UGT2B7: variants seen among roughly 807,000 people sequenced by gnomAD.
The protein encoded by UGT2B7 is UDP glucuronosyltransferase family 2 member B7, also known as UDP-glucuronosyltransferase 2B7.
In UGT2B7, 51 loss-of-function variants were observed where a neutral mutation model predicts 51.9. The observed-to-expected ratio is 0.98, with a 90% CI of 0.78 to 1.24. The LOEUF (loss-of-function observed/expected upper bound fraction) is 1.24. UGT2B7 is among the 50% of genes most tolerant of loss of function. The pLI, the probability that UGT2B7 is intolerant of heterozygous loss-of-function variation, is 0.00. For synonymous variants in UGT2B7, 225 were observed against 211.6 expected (o/e 1.06, Z -0.55); for missense variants, 727 against 628.4 (o/e 1.16, Z -1.68).
intron 1 of UGT2B7, among the ~76,000 whole-genome samples, chr4:69,054,182 G>A (rs1354846730): frequency 6.6e-6 from 1 of 151,590 alleles, no homozygotes; most frequent in Non-Finnish European, 1.5e-5. Context: ...CCAGCCCTGA[G>A]GTTACCTGAC....
intron 1 of UGT2B7, among the ~76,000 whole-genome samples, chr4:69,061,766 C>T (rs906452015): frequency 6.6e-6 from 1 of 152,168 alleles, no homozygotes; most frequent in Non-Finnish European, 1.5e-5. Flanking sequence ...CCCAAAACAA[C>T]CCCTGAAAAG....
At chr4:69,105,080 G>C (rs1030202829) in intron 3 of UGT2B7, among the ~76,000 whole-genome samples, 6 of 152,138 alleles carry the variant, frequency 3.9e-5, no homozygotes, top group African/African-American at 1.2e-4. Context: ...GAAGATGAAA[G>C]GGTGGAGATG....
intron 2 of UGT2B7, among the ~76,000 whole-genome samples, chr4:69,101,448 C>T (rs1464794657): frequency 6.6e-6 from 1 of 151,830 alleles, no homozygotes; most frequent in Non-Finnish European, 1.5e-5. Flanking sequence ...AGTGATGAAT[C>T]TGTAAAGAGG....
chr4:69,072,164 A>G (rs1718616224), intron 1 of UGT2B7, among the ~76,000 whole-genome samples: 1 of 152,142 alleles, frequency 6.6e-6, no homozygotes, highest in African/African-American at 2.4e-5. Context: ...ATAAAATCAC[A>G]TAGTATATTA....
At chr4:69,105,319 CAATT>C (rs1279907181) in intron 3 of UGT2B7, among the ~76,000 whole-genome samples, 3 of 152,262 alleles carry the variant, frequency 2.0e-5, no homozygotes, top group East Asian at 3.9e-4. Flanking sequence ...GTGTATTTGT[CAATT>C]ACTTTTTAAT....
chr4:69,078,366 G>A (rs138261568), intron 1 of UGT2B7, among the ~76,000 whole-genome samples: 2 of 152,126 alleles, frequency 1.3e-5, no homozygotes, highest in Non-Finnish European at 2.9e-5. Flanking sequence ...AGTTTCAGAA[G>A]GAATGGTACC....
intron 1 of UGT2B7, among the ~76,000 whole-genome samples, chr4:69,069,484 C>G (rs1240918760): frequency 6.6e-6 from 1 of 151,834 alleles, no homozygotes. Context: ...AAATTCTAGC[C>G]CATAAAACAA....
At chr4:69,094,315 AT>A (rs1194365674), upstream of UGT2B7, among the ~76,000 whole-genome samples, 164 of 65,058 alleles carry the variant, frequency 2.5e-3, 25 homozygotes, top group Middle Eastern at 7.5e-3. Flanking sequence ...AATTTTTTGT[AT>A]TTTTTTTTTT....
At chr4:69,082,026 G>A (rs1257687161) in intron 1 of UGT2B7, among the ~76,000 whole-genome samples, 4 of 151,770 alleles carry the variant, frequency 2.6e-5, no homozygotes, top group Non-Finnish European at 5.9e-5. Flanking sequence ...AAGGTTTTTC[G>A]CTACTATTAT....
intron 1 of UGT2B7, among the ~76,000 whole-genome samples, chr4:69,075,934 C>G (rs932712762): frequency 6.6e-6 from 1 of 152,026 alleles, no homozygotes; most frequent in Non-Finnish European, 1.5e-5. Context: ...CCCCTAGCCC[C>G]CCTCCCCATA....
chr4:69,066,816 C>T (rs548848444), intron 1 of UGT2B7, among the ~76,000 whole-genome samples: 1 of 152,048 alleles, frequency 6.6e-6, no homozygotes, highest in African/African-American at 2.4e-5. Flanking sequence ...ACCCTTCCTC[C>T]TAATGTATAG....
chr4:69,059,829 G>A (rs1460528953), intron 1 of UGT2B7, among the ~76,000 whole-genome samples: 1 of 152,218 alleles, frequency 6.6e-6, no homozygotes, highest in Non-Finnish European at 1.5e-5. Context: ...GGAAAACTAG[G>A]CCACGGTGAC....
At chr4:69,070,219 T>C (rs1157802015) in intron 1 of UGT2B7, among the ~76,000 whole-genome samples, 1 of 147,728 alleles carries the variant, frequency 6.8e-6, no homozygotes, top group Non-Finnish European at 1.5e-5. Context: ...TCTTCTTTTA[T>C]ATATATATTT....
At chr4:69,106,015 A>G (rs1453002502) in intron 3 of UGT2B7, among the ~76,000 whole-genome samples, 2 of 152,126 alleles carry the variant, frequency 1.3e-5, no homozygotes, top group Non-Finnish European at 2.9e-5. Context: ...AATTGTTACT[A>G]TTTTTTACAC....
upstream of UGT2B7, among the ~76,000 whole-genome samples, chr4:69,095,509 A>C (rs1254088226): frequency 1.3e-5 from 2 of 152,206 alleles, no homozygotes; most frequent in Non-Finnish European, 2.9e-5. Context: ...AAAGTTGATC[A>C]TTTCATAATG....
At chr4:69,103,606 T>G (rs754381716) in intron 3 of UGT2B7, among the ~76,000 whole-genome samples, 9 of 152,210 alleles carry the variant, frequency 5.9e-5, no homozygotes, top group Non-Finnish European at 8.8e-5. Flanking sequence ...AAAACGTATA[T>G]CCAGAACTGT....
At chr4:69,102,659 G>T in intron 2 of UGT2B7, 148 bp from the exon 3 acceptor site, 3 of 1,247,730 alleles carry the variant, frequency 2.4e-6, no homozygotes, top group Non-Finnish European at 3.3e-6. Context: ...CAAAAAAACT[G>T]AGTGATTGGG....
intron 1 of UGT2B7, among the ~76,000 whole-genome samples, chr4:69,070,387 C>T (rs1054732305): frequency 6.7e-6 from 1 of 148,954 alleles, no homozygotes; most frequent in Non-Finnish European, 1.5e-5. Context: ...ATAAAGAACC[C>T]TCTTCCATAT....
chr4:69,071,483 C>T (rs976118393), intron 1 of UGT2B7, among the ~76,000 whole-genome samples: 1 of 152,154 alleles, frequency 6.6e-6, no homozygotes, highest in African/African-American at 2.4e-5. Flanking sequence ...TCATTACAGC[C>T]TTTGGACTCA....
Sources: gnomAD v4.1 joint callset for allele counts (sites outside exome capture counted in the v4.1 genomes callset) on GRCh38, gnomAD v4.1.1 for gene constraint, MANE v1.5 for transcripts, NCBI Gene and HGNC (gene_info 2026-07-23, HGNC 2026-07-21) for gene names.